GAB2: variants seen among roughly 807,000 people sequenced by gnomAD.
The protein encoded by GAB2 is GRB2-associated-binding protein 2.
Under a neutral mutation model 65.5 loss-of-function variants are expected in GAB2, and 26 were observed. The ratio of observed to expected loss-of-function variants is 0.40; its 90% CI spans 0.29 to 0.55. The LOEUF (loss-of-function observed/expected upper bound fraction) is 0.55. GAB2 is among the 20% of genes least tolerant of loss of function. The pLI, the probability that GAB2 is intolerant of heterozygous loss-of-function variation, is 0.53. For synonymous variants in GAB2, 321 were observed against 329.6 expected, an observed-to-expected ratio of 0.97 and a Z score of 0.28; for missense variants, 884 against 875.8, an observed-to-expected ratio of 1.01 and a Z score of -0.12.
At chr11:78,297,691 T>A (rs1031198901) in intron 1 of GAB2, among the ~76,000 whole-genome samples, 1 of 152,098 alleles carries the variant, frequency 6.6e-6, no homozygotes, top group Non-Finnish European at 1.5e-5. Flanking sequence ...AGGGGTAGAT[T>A]GAAGTTTAGA....
At chr11:78,361,975 G>A (rs1856440511) in intron 1 of GAB2, among the ~76,000 whole-genome samples, 1 of 151,966 alleles carries the variant, frequency 6.6e-6, no homozygotes, top group Admixed American at 6.6e-5. Flanking sequence ...ACTTAGTTAT[G>A]CCTTCACCAA....
intron 2 of GAB2, among the ~76,000 whole-genome samples, chr11:78,269,108 G>A (rs2134561828): frequency 6.6e-6 from 1 of 151,630 alleles, no homozygotes; most frequent in South Asian, 2.1e-4. Flanking sequence ...TTTCCTCATT[G>A]TCTCAGTGGA....
chr11:78,289,079 T>G (rs1005037425), intron 1 of GAB2, among the ~76,000 whole-genome samples: 1 of 152,182 alleles, frequency 6.6e-6, no homozygotes, highest in African/African-American at 2.4e-5. Flanking sequence ...GCCCAACTGA[T>G]TTTTCACAAA....
At chr11:78,296,321 C>T (rs1049334750) in intron 1 of GAB2, among the ~76,000 whole-genome samples, 2 of 152,176 alleles carry the variant, frequency 1.3e-5, no homozygotes, top group South Asian at 2.1e-4. Context: ...TTTTATCAAT[C>T]GGTCAATACA....
chr11:78,356,047 C>T (rs1012836228), intron 1 of GAB2, among the ~76,000 whole-genome samples: 1 of 151,934 alleles, frequency 6.6e-6, no homozygotes, highest in Non-Finnish European at 1.5e-5. Flanking sequence ...GTGGTGTGTG[C>T]CTGTAATCCC....
At chr11:78,342,211 C>A (rs1461507084) in intron 1 of GAB2, among the ~76,000 whole-genome samples, 1 of 152,202 alleles carries the variant, frequency 6.6e-6, no homozygotes, top group East Asian at 1.9e-4. Context: ...ATCAACGGAT[C>A]TGCCCTGAAC....
chr11:78,361,203 T>A (rs533875811), intron 1 of GAB2, among the ~76,000 whole-genome samples: 176 of 152,202 alleles, frequency 1.2e-3, no homozygotes, highest in African/African-American at 4.0e-3. Flanking sequence ...TAAGCATAGA[T>A]CAGGAAAAAT....
At chr11:78,383,572 C>A (rs1856725047) in intron 1 of GAB2, among the ~76,000 whole-genome samples, 1 of 95,010 alleles carries the variant, frequency 1.1e-5, no homozygotes, top group Admixed American at 1.2e-4. Context: ...TGGCAAAACC[C>A]TGTCTCTCCA....
chr11:78,278,383 G>GT (rs1301149799), intron 2 of GAB2, among the ~76,000 whole-genome samples: 6 of 148,488 alleles, frequency 4.0e-5, no homozygotes, highest in Non-Finnish European at 8.9e-5. Flanking sequence ...TTTTTTTTTT[G>GT]TTTTTTGTTT....
intron 1 of GAB2, among the ~76,000 whole-genome samples, chr11:78,409,049 G>A (rs1181672333): frequency 6.6e-6 from 1 of 152,172 alleles, no homozygotes; most frequent in African/African-American, 2.4e-5. Context: ...AATGATATGG[G>A]TAGGTTGAAA....
At chr11:78,266,839 C>G (rs1414525397) in intron 2 of GAB2, among the ~76,000 whole-genome samples, 1 of 152,190 alleles carries the variant, frequency 6.6e-6, no homozygotes, top group Non-Finnish European at 1.5e-5. Context: ...CTTCTCTAAC[C>G]CCTGTCCACT....
chr11:78,396,013 C>T (rs115591247), intron 1 of GAB2, among the ~76,000 whole-genome samples: 2,387 of 152,264 alleles, frequency 0.016, 73 homozygotes, highest in African/African-American at 0.056. Flanking sequence ...AGCATAGTAT[C>T]GACTACCTGA....
At chr11:78,407,786 G>A (rs1406723822) in intron 1 of GAB2, among the ~76,000 whole-genome samples, 4 of 150,420 alleles carry the variant, frequency 2.7e-5, no homozygotes, top group Non-Finnish European at 5.9e-5. Flanking sequence ...AAGAAAGAAA[G>A]AAAAGAAAAG....
chr11:78,275,786 ATATATCTATATATC>A (rs1490401838), intron 2 of GAB2, among the ~76,000 whole-genome samples: 4 of 152,244 alleles, frequency 2.6e-5, no homozygotes, highest in East Asian at 1.9e-4. Flanking sequence ...ACACACAGAT[ATATATCTATATATC>A]TATATCTATA....
At chr11:78,266,234 A>AAAAAAAAAAAAC (rs1865871010) in intron 2 of GAB2, among the ~76,000 whole-genome samples, 1 of 151,338 alleles carries the variant, frequency 6.6e-6, no homozygotes, top group Admixed American at 6.6e-5. Flanking sequence ...AAAAAAAAAA[A>AAAAAAAAAAAAC]AAAATCATGT....
Position 78,417,772 on chromosome 11 carries a change from G to T in GAB2, c.-52C>A, listed in dbSNP as rs1857220735. The T allele has an allele frequency of 3.1e-6, 3 of 966,244 alleles. No homozygotes were observed. Among genetic ancestry groups the T allele is most frequent in the Non-Finnish European group, 3.8e-6 (3 of 788,020 alleles). The allele number at this position is 966,244 out of a possible 1,614,324, so 59.9% of individuals were successfully genotyped here. A position where few individuals can be genotyped will look rare whatever the true frequency, so the allele number is the denominator to read the frequency against. On this transcript the variant is annotated 5_prime_UTR_variant, in exon 1 of 10. Transcript: ENST00000361507. ...GTCGCGCGGACGAGGGCGCGGGCTCGGGCAGCTGGGGCAGCGGCCGGCGGT... is the reference window on the plus strand; with the variant it reads ...GTCGCGCGGACGAGGGCGCGGGCTCTGGCAGCTGGGGCAGCGGCCGGCGGT...
intron 1 of GAB2, chr11:78,364,184 T>C (rs745512411): frequency 6.6e-6 from 1 of 152,150 alleles, no homozygotes; most frequent in African/African-American, 2.4e-5. Context: ...GGATAAAGAC[T>C]AGAACCTACA....
chr11:78,285,002 T>C (rs1370404605), intron 1 of GAB2, among the ~76,000 whole-genome samples: 1 of 152,194 alleles, frequency 6.6e-6, no homozygotes, highest in African/African-American at 2.4e-5. Flanking sequence ...TATAGCCAGA[T>C]AGGATGGAGC....
chr11:78,224,212 T>C (rs750295728), intron 5 of GAB2, among the ~76,000 whole-genome samples: 1 of 152,178 alleles, frequency 6.6e-6, no homozygotes, highest in Non-Finnish European at 1.5e-5. Context: ...TATAAAATAT[T>C]CTTGGTGACT....
Sources: allele counts gnomAD v4.1 joint callset (sites outside exome capture counted in the v4.1 genomes callset), GRCh38; gene constraint gnomAD v4.1.1; transcripts MANE v1.5; gene names NCBI Gene and HGNC (gene_info 2026-07-23, HGNC 2026-07-21).